The following OR51D1 variants were observed in gnomAD, a reference collection of about 807,000 sequenced individuals.
The protein encoded by OR51D1 is olfactory receptor 51D1.
For missense variants in OR51D1, 452 were observed against 396.2 expected (o/e 1.14, Z -1.20); for synonymous variants, 187 against 161.1 (o/e 1.16, Z -1.22).
Position 4,640,660 on chromosome 11 carries a change from T to TA in OR51D1, c.871dup (p.Thr291AsnfsTer56). 3.1e-6 allele frequency: 5 copies of TA among 1,613,880 alleles called. No homozygotes were observed. The highest frequency in any genetic ancestry group is 3.4e-6 in the Non-Finnish European group (4 of 1,180,002). On this transcript the variant is annotated frameshift_variant, in exon 2 of 2. Coordinates refer to ENST00000641817, the MANE Select transcript of OR51D1 (RefSeq NM_001004751.3). LOFTEE classifies it high-confidence loss of function. ...CCCTCCTCCATGTGGTTATGGCTAA[T>TA]ACCTACTTGCTGCTACCACCTGTAG... is the stretch of plus-strand genomic sequence containing the variant.
intron 1 of OR51D1, among the ~76,000 whole-genome samples, chr11:4,639,034 G>A (rs1369754811): frequency 2.0e-5 from 3 of 152,086 alleles, no homozygotes; most frequent in African/African-American, 4.8e-5. Context: ...CTTGCGATCT[G>A]CCCACCTCGG....
chr11:4,640,520 C>T lies in OR51D1; in HGVS notation c.730C>T (p.Arg244Trp), dbSNP rs138670452. The T allele has an allele frequency of 7.4e-5, 119 of 1,613,708 alleles. No homozygotes were observed. The highest frequency in any genetic ancestry group is 8.9e-5 in the Non-Finnish European group (105 of 1,180,014). ...GTGGGCTGTTTTGGAGCTGTCCTCT[C>T]GGAGGGCAGCACTCAAGGCTTTCAA... ...ILWAVLELSS[R>W]RAALKAFNTC... The change falls in exon 2 of 2, where the codon CGG (arginine) becomes TGG (tryptophan). Residue 244 changes from arginine (R) to tryptophan (W), a missense_variant. Physicochemically the swap from Arg to Trp is moderately radical, Grantham distance 101 (BLOSUM62 -3). Transcript: ENST00000641817.
rs536045890 is a variant in OR51D1 at position 4,641,670 on chromosome 11, T to C, written c.*905T>C. 1 of 152,566 alleles carries C rather than the reference T, an allele frequency of 6.6e-6. No individual in the cohort carries two copies. Among genetic ancestry groups the C allele is most frequent in the Admixed American group, 6.5e-5 (1 of 15,310 alleles). The allele number at this position is 152,566 out of a possible 1,614,324, so 9.5% of individuals were successfully genotyped here. ...TGCTGCCTCTACCTTTTCTTCCTAT[T>C]TGTACTATGTGAATGTGGTGCATGA... On this transcript the variant is annotated 3_prime_UTR_variant, in exon 2 of 2. Coordinates refer to ENST00000641817, the MANE Select transcript of OR51D1 (RefSeq NM_001004751.3).
At chr11:4,639,071 G>A (rs559089054) in intron 1 of OR51D1, among the ~76,000 whole-genome samples, 25 of 152,216 alleles carry the variant, frequency 1.6e-4, no homozygotes, top group Non-Finnish European at 2.8e-4. Context: ...GATTACAGGC[G>A]TGAGCCACTG....
chr11:4,640,200 T>TGGCC lies in OR51D1; in HGVS notation c.411_414dup (p.Ile139GlyfsTer67), dbSNP rs746455930. 3.7e-6 allele frequency: 6 copies of TGGCC among 1,614,260 alleles called. No individual in the cohort carries two copies. Among genetic ancestry groups the TGGCC allele is most frequent in the Non-Finnish European group, 5.1e-6 (6 of 1,180,048 alleles). ...CTGGCCATGGCTTTTGACCGCTTTG[T>TGGCC]GGCCATTTGCCACCCATTGCGCCAT... On this transcript the variant is annotated frameshift_variant, in exon 2 of 2. Coordinates refer to ENST00000641817, the MANE Select transcript of OR51D1 (RefSeq NM_001004751.3). LOFTEE classifies it low-confidence loss of function (END_TRUNC).
At position 4,640,828 on chromosome 11, in the gene OR51D1, A is replaced by G; in HGVS notation, c.*63A>G. ...GATGGGAATATTAGGATCCTATTGAATGCCTTGGTGATTAAAGTATCAAAC... is the reference window on the plus strand; with the variant it reads ...GATGGGAATATTAGGATCCTATTGAGTGCCTTGGTGATTAAAGTATCAAAC... On this transcript the variant is annotated 3_prime_UTR_variant, in exon 2 of 2. Coordinates refer to ENST00000641817, the MANE Select transcript of OR51D1 (RefSeq NM_001004751.3). 6.9e-7 allele frequency: 1 copy of G among 1,457,092 alleles called. No homozygotes were observed. Among genetic ancestry groups the G allele is most frequent in the Non-Finnish European group, 9.3e-7 (1 of 1,074,826 alleles). 90.3% of individuals were successfully genotyped at this position (1,457,092 alleles called of 1,614,324 possible). A position where few individuals can be genotyped will look rare whatever the true frequency, so the allele number is the denominator to read the frequency against.
chr11:4,638,545 T>G (rs1846924218), intron 1 of OR51D1, among the ~76,000 whole-genome samples: 1 of 152,212 alleles, frequency 6.6e-6, no homozygotes, highest in Non-Finnish European at 1.5e-5. Context: ...ATGTCTCAGC[T>G]GCATCTGATT....
At position 4,640,888 on chromosome 11, in the gene OR51D1, A is replaced by G. The variant is rs1388511240; in HGVS notation, c.*123A>G. Reference sequence around the variant, plus strand: ...TGTCTTCTTCCAGCAATTTAAGTAGATCATGTATTCTGTCTCCAGGAATGT... The same window carrying G: ...TGTCTTCTTCCAGCAATTTAAGTAGGTCATGTATTCTGTCTCCAGGAATGT... On this transcript the variant is annotated 3_prime_UTR_variant, in exon 2 of 2. Transcript: ENST00000641817. 4.6e-6 allele frequency: 4 copies of G among 873,580 alleles called. No individual in the cohort carries two copies. In the African/African-American group the frequency reaches 6.7e-5, roughly 15 times the overall value. The allele number at this position is 873,580 out of a possible 1,614,324, so 54.1% of individuals were successfully genotyped here. A position where few individuals can be genotyped will look rare whatever the true frequency, so the allele number is the denominator to read the frequency against.
Position 4,639,919 on chromosome 11 carries a change from A to C in OR51D1, c.129A>C (p.Pro43=). 6.2e-7 allele frequency: 1 copy of C among 1,613,986 alleles called. No individual in the cohort carries two copies. Among genetic ancestry groups the C allele is most frequent in the Admixed American group, 1.7e-5 (1 of 60,012 alleles). ...CCATACACTTTTGGCTGGCTTTCCC[A>C]CTGTGTTTTATGTATGCCTTGGCCA... The part of the protein sequence containing the change: ...GPTIHFWLAF[P]LCFMYALATL... Residue 43 remains proline, a synonymous_variant, in exon 2 of 2, where the codon CCA becomes CCC. Transcript: ENST00000641817.
intron 1 of OR51D1, among the ~76,000 whole-genome samples, chr11:4,638,272 G>C (rs1416732776): frequency 6.6e-6 from 1 of 152,178 alleles, no homozygotes; most frequent in Non-Finnish European, 1.5e-5. Context: ...CATTCTCTGA[G>C]ATCAGGAACA....
chr11:4,642,057 A>G lies in OR51D1; in HGVS notation c.*1292A>G, dbSNP rs1261811054. The G allele has an allele frequency of 6.6e-6, 1 of 152,282 alleles. No individual in the cohort carries two copies. Among genetic ancestry groups the G allele is most frequent in the Non-Finnish European group, 1.5e-5 (1 of 68,044 alleles). The allele number at this position is 152,282 out of a possible 1,614,324, so 9.4% of individuals were successfully genotyped here. A position where few individuals can be genotyped will look rare whatever the true frequency, so the allele number is the denominator to read the frequency against. On this transcript the variant is annotated 3_prime_UTR_variant, in exon 2 of 2. Transcript: ENST00000641817. ...AGAAGTCTGGCTGTGAGCAGCAGAA[A>G]TAATTTCCAAAGTTGAGTGACATGA...
chr11:4,641,935 G>T lies in OR51D1; in HGVS notation c.*1170G>T, dbSNP rs990012671. Reference sequence around the variant, plus strand: ...AAGGCAAACTTTCTTTGTGTGTTGGGTGTGTATGTGACACGAATGGGGACA... The same window carrying T: ...AAGGCAAACTTTCTTTGTGTGTTGGTTGTGTATGTGACACGAATGGGGACA... On this transcript the variant is annotated 3_prime_UTR_variant, in exon 2 of 2. Transcript: ENST00000641817. 6.6e-6 allele frequency: 1 copy of T among 152,550 alleles called. No homozygotes were observed. The highest frequency in any genetic ancestry group is 1.5e-5 in the Non-Finnish European group (1 of 68,056). 9.4% of individuals were successfully genotyped at this position (152,550 alleles called of 1,614,324 possible).
rs755693316 is a variant in OR51D1, at chr11:4,640,502, G to A, written c.712G>A (p.Val238Ile). 18 of 1,613,720 alleles carry A rather than the reference G, an allele frequency of 1.1e-5. No homozygotes were observed. In the East Asian group the frequency reaches 4.0e-4, roughly 36 times the overall value. ...CTCATATATCCTCATCCTGTGGGCT[G>A]TTTTGGAGCTGTCCTCTCGGAGGGC... ...GFSYILILWA[V>I]LELSSRRAAL... Residue 238 changes from valine to isoleucine, a missense_variant, in exon 2 of 2, where the codon GTT (valine) becomes ATT (isoleucine). Physicochemically the swap from Val to Ile is conservative, Grantham distance 29 (BLOSUM62 3). Transcript: ENST00000641817.
Position 4,640,237 on chromosome 11 carries a change from G to T in OR51D1, c.447G>T (p.Leu149=). The T allele has an allele frequency of 6.2e-7, 1 of 1,614,232 alleles. No individual in the cohort carries two copies. The highest frequency in any genetic ancestry group is 1.1e-5 in the South Asian group (1 of 91,088). ...ICHPLRHASV[L]TGCTVAKIGL... ...ACCCATTGCGCCATGCTTCTGTGCT[G>T]ACAGGGTGTACTGTGGCCAAGATTG... Residue 149 remains leucine, a synonymous_variant, in exon 2 of 2, where the codon CTG becomes CTT. Transcript: ENST00000641817.
Position 4,641,688 on chromosome 11 carries a change from G to A in OR51D1, c.*923G>A, listed in dbSNP as rs1846969460. ...TTCCTATTTGTACTATGTGAATGTG[G>A]TGCATGAATGTGTGGAATGTGTGGA... On this transcript the variant is annotated 3_prime_UTR_variant, in exon 2 of 2. Transcript: ENST00000641817. The A allele has an allele frequency of 6.6e-6, 1 of 152,452 alleles. No individual in the cohort carries two copies. The highest frequency in any genetic ancestry group is 2.4e-5 in the African/African-American group (1 of 41,416). 9.4% of individuals were successfully genotyped at this position (152,452 alleles called of 1,614,324 possible).
In OR51D1 at chr11:4,640,584, A is replaced by T; in HGVS notation, c.794A>T (p.Tyr265Phe). 6.2e-7 allele frequency: 1 copy of T among 1,612,352 alleles called. No homozygotes were observed. Among genetic ancestry groups the T allele is most frequent in the Non-Finnish European group, 8.5e-7 (1 of 1,179,674 alleles). The stretch of plus-strand genomic sequence containing the variant: ...CACCTCTGTGCTGTTCTGGTCTTCT[A>T]TGTACCCCTCATTGGGCTCTCGGTG... Reference protein sequence around the residue: ...ISHLCAVLVFYVPLIGLSVVH... With the variant: ...ISHLCAVLVFFVPLIGLSVVH... Residue 265 changes from tyrosine to phenylalanine, a missense_variant, in exon 2 of 2, where the codon TAT (tyrosine) becomes TTT (phenylalanine). Transcript: ENST00000641817.
Position 4,640,232 on chromosome 11 carries a change from GT to G in OR51D1, c.443del (p.Val148GlyfsTer2), listed in dbSNP as rs1446391616. On this transcript the variant is annotated frameshift_variant, in exon 2 of 2. Transcript: ENST00000641817. LOFTEE classifies it low-confidence loss of function (END_TRUNC). ...AICHPLRHAS[V>X]LTGCTVAKIG... ...TTGCCACCCATTGCGCCATGCTTCT[GT>G]GCTGACAGGGTGTACTGTGGCCAAG... 3.7e-6 allele frequency: 6 copies of G among 1,614,102 alleles called. No individual in the cohort carries two copies. Among genetic ancestry groups the G allele is most frequent in the Non-Finnish European group, 4.2e-6 (5 of 1,180,048 alleles).
At position 4,640,291 on chromosome 11, in the gene OR51D1, AT is replaced by A. The variant is rs1564874302; in HGVS notation, c.503del (p.Phe168SerfsTer31). ...TATCTGCCCTGACCAGGGGGTTTGT[AT>A]TCTTCTTCCCACTGCCCTTCATCCT... ...GLSALTRGFV[F>X]FFPLPFILKW... On this transcript the variant is annotated frameshift_variant, in exon 2 of 2. Transcript: ENST00000641817. LOFTEE classifies it low-confidence loss of function (END_TRUNC). The A allele has an allele frequency of 6.2e-7, 1 of 1,614,120 alleles. No individual in the cohort carries two copies. Among genetic ancestry groups the A allele is most frequent in the African/African-American group, 1.3e-5 (1 of 75,016 alleles).
In OR51D1 at chr11:4,637,595, A is replaced by T. The variant is rs1172641726; in HGVS notation, c.-173A>T. 6.6e-6 allele frequency: 1 copy of T among 152,212 alleles called. No homozygotes were observed. Among genetic ancestry groups the T allele is most frequent in the East Asian group, 1.9e-4 (1 of 5,192 alleles). 9.4% of individuals were successfully genotyped at this position (152,212 alleles called of 1,614,324 possible). On this transcript the variant is annotated 5_prime_UTR_variant, in exon 1 of 2. Coordinates refer to ENST00000641817, the MANE Select transcript of OR51D1 (RefSeq NM_001004751.3). The stretch of plus-strand genomic sequence containing the variant: ...GCTTGGCTGCTTGGAGAGGTCTTCT[A>T]GTGTACACCTTTTCCAGATCACAGT...
Sources: gnomAD v4.1 joint callset for allele counts (sites outside exome capture counted in the v4.1 genomes callset) on GRCh38, gnomAD v4.1.1 for gene constraint, MANE v1.5 for transcripts, NCBI Gene and HGNC (gene_info 2026-07-23, HGNC 2026-07-21) for gene names.